IGF2BP2: variants seen among roughly 807,000 people sequenced by gnomAD.
IGF2BP2 encodes the protein insulin-like growth factor 2 mRNA-binding protein 2.
In IGF2BP2, 17 loss-of-function variants were observed where a neutral mutation model predicts 75.8. The observed-to-expected ratio is 0.22, with a 90% CI of 0.15 to 0.34. The LOEUF is 0.34. IGF2BP2 is among the 10% of genes least tolerant of loss of function. The probability of loss-of-function intolerance (pLI) is 1.00; values close to 1 mark genes in which losing one functional copy is unlikely to be tolerated. For synonymous variants in IGF2BP2, 288 were observed against 295.6 expected, an observed-to-expected ratio of 0.97 and a Z score of 0.26; for missense variants, 516 against 772.4, an observed-to-expected ratio of 0.67 and a Z score of 3.93.
intron 2 of IGF2BP2, among the ~76,000 whole-genome samples, chr3:185,786,226 C>G (rs1025361365): frequency 7.2e-5 from 11 of 152,070 alleles, no homozygotes; most frequent in South Asian, 2.1e-4. Context: ...TTCACTCCCC[C>G]CAAGAATCAA....
Position 185,643,755 on chromosome 3 carries a change from T to C in IGF2BP2, c.*1776A>G, listed in dbSNP as rs1713012525. The C allele has an allele frequency of 6.6e-6, 1 of 151,786 alleles. No individual in the cohort carries two copies. The highest frequency in any genetic ancestry group is 1.5e-5 in the Non-Finnish European group (1 of 67,912). The allele number at this position is 151,786 out of a possible 1,614,324, so 9.4% of individuals were successfully genotyped here. A position where few individuals can be genotyped will look rare whatever the true frequency, so the allele number is the denominator to read the frequency against. On this transcript the variant is annotated 3_prime_UTR_variant, in exon 16 of 16. Coordinates refer to ENST00000382199, the MANE Select transcript of IGF2BP2 (RefSeq NM_006548.6). ...ACACCAGGATCTTGTTAGCTGGATA[T>C]ATTTCTGTTTTTTCTTTTTTTTTCT...
chr3:185,679,985 G>A (rs555292509), intron 7 of IGF2BP2, among the ~76,000 whole-genome samples: 1 of 152,140 alleles, frequency 6.6e-6, no homozygotes, highest in East Asian at 1.9e-4. Context: ...ATAAAAATCA[G>A]AGCAGAGATA....
chr3:185,823,663 G>A (rs1741650382), intron 1 of IGF2BP2, among the ~76,000 whole-genome samples: 1 of 151,798 alleles, frequency 6.6e-6, no homozygotes, highest in Non-Finnish European at 1.5e-5. Flanking sequence ...GAAGCCCCCC[G>A]GAGTCCGCCG....
intron 7 of IGF2BP2, among the ~76,000 whole-genome samples, chr3:185,679,911 G>A (rs1295728337): frequency 1.6e-4 from 24 of 152,050 alleles, no homozygotes; most frequent in Non-Finnish European, 2.1e-4. Context: ...CACTTCACCC[G>A]GCCCCATCCT....
chr3:185,675,218 G>C (rs1719145492), intron 9 of IGF2BP2, 78 bp downstream of exon 9: 2 of 1,454,506 alleles, frequency 1.4e-6, no homozygotes, highest in Non-Finnish European at 1.9e-6. Context: ...CCTATCCTAA[G>C]GCACTTCCTC....
chr3:185,726,509 T>C (rs1011581352), intron 2 of IGF2BP2, among the ~76,000 whole-genome samples: 1 of 152,246 alleles, frequency 6.6e-6, no homozygotes, highest in Non-Finnish European at 1.5e-5. Context: ...CTGCCACTTA[T>C]CTACCTCACA....
intron 2 of IGF2BP2, among the ~76,000 whole-genome samples, chr3:185,739,587 C>G (rs1729274200): frequency 6.6e-6 from 1 of 152,152 alleles, no homozygotes; most frequent in Admixed American, 6.5e-5. Context: ...CACACTGATG[C>G]TGTCCCGTGA....
At chr3:185,823,004 G>T (rs1394311986) in intron 2 of IGF2BP2, 149 bp downstream of exon 2, 4 of 468,236 alleles carry the variant, frequency 8.5e-6, no homozygotes, top group Non-Finnish European at 7.6e-6. Context: ...AAAAAAAAAA[G>T]TAGCTTTCTA....
intron 2 of IGF2BP2, among the ~76,000 whole-genome samples, chr3:185,784,859 T>C (rs572666768): frequency 3.9e-5 from 6 of 152,346 alleles, no homozygotes; most frequent in Admixed American, 3.3e-4. Flanking sequence ...GATACAGAGA[T>C]GCCTAAGACA....
intron 3 of IGF2BP2, among the ~76,000 whole-genome samples, chr3:185,698,078 T>C (rs1044090662): frequency 6.6e-6 from 1 of 152,178 alleles, no homozygotes; most frequent in African/African-American, 2.4e-5. Flanking sequence ...GCATGGTACT[T>C]GAAAAGACAG....
chr3:185,661,519 T>A (rs1328230686), intron 10 of IGF2BP2, among the ~76,000 whole-genome samples: 1 of 150,990 alleles, frequency 6.6e-6, no homozygotes, highest in Non-Finnish European at 1.5e-5. Flanking sequence ...CACCTGCAAT[T>A]CCAGCTATTC....
intron 2 of IGF2BP2, among the ~76,000 whole-genome samples, chr3:185,783,818 A>G (rs1443482785): frequency 6.6e-6 from 1 of 152,198 alleles, no homozygotes; most frequent in Non-Finnish European, 1.5e-5. Flanking sequence ...AAGTTTTAAA[A>G]TATTTTTTGA....
At chr3:185,798,751 C>T (rs758801102) in intron 2 of IGF2BP2, among the ~76,000 whole-genome samples, 3 of 151,620 alleles carry the variant, frequency 2.0e-5, no homozygotes, top group Non-Finnish European at 4.4e-5. Flanking sequence ...CAAGAAAACC[C>T]TGAGTAAGCA....
intron 2 of IGF2BP2, among the ~76,000 whole-genome samples, chr3:185,774,392 G>A (rs1441735249): frequency 6.6e-6 from 1 of 150,778 alleles, no homozygotes; most frequent in East Asian, 2.0e-4. Flanking sequence ...TCAGGAGATA[G>A]AGACCATCTT....
At chr3:185,675,953 A>AT in intron 7 of IGF2BP2, 40 bp from the exon 8 acceptor site, 1 of 1,596,004 alleles carries the variant, frequency 6.3e-7, no homozygotes, top group Non-Finnish European at 8.5e-7. Context: ...TCAGATACGT[A>AT]TAACGGTTGT....
chr3:185,767,615 C>G (rs954356992), intron 2 of IGF2BP2, among the ~76,000 whole-genome samples: 1 of 151,794 alleles, frequency 6.6e-6, no homozygotes, highest in African/African-American at 2.4e-5. Flanking sequence ...CTTACCAGTA[C>G]AGTAATATAT....
intron 2 of IGF2BP2, among the ~76,000 whole-genome samples, chr3:185,769,954 C>T (rs1288627903): frequency 2.0e-5 from 3 of 151,808 alleles, no homozygotes; most frequent in Admixed American, 6.6e-5. Flanking sequence ...CATCTTTTCA[C>T]ATTTTATCTC....
intron 2 of IGF2BP2, among the ~76,000 whole-genome samples, chr3:185,768,616 A>G (rs1733423882): frequency 6.6e-6 from 1 of 152,256 alleles, no homozygotes; most frequent in South Asian, 2.1e-4. Context: ...GGACTGAAGG[A>G]AGCTTCAAAT....
At chr3:185,691,955 T>C (rs1386239288) in intron 5 of IGF2BP2, among the ~76,000 whole-genome samples, 1 of 152,038 alleles carries the variant, frequency 6.6e-6, no homozygotes, top group Non-Finnish European at 1.5e-5. Context: ...TCCAGGTTGG[T>C]CTCAAACTCC....
Sources: allele counts gnomAD v4.1 joint callset (sites outside exome capture counted in the v4.1 genomes callset), GRCh38; gene constraint gnomAD v4.1.1; transcripts MANE v1.5; gene names NCBI Gene and HGNC (gene_info 2026-07-23, HGNC 2026-07-21).